PLEKHA5: variants seen among roughly 807,000 people sequenced by gnomAD.
PLEKHA5 encodes pleckstrin homology domain-containing family A member 5.
A neutral mutation model predicts 181.9 loss-of-function variants in PLEKHA5; 55 were observed. That is an observed-to-expected ratio of 0.30 (90% CI 0.24 to 0.38). The LOEUF (loss-of-function observed/expected upper bound fraction) is 0.38, where lower values mean the gene tolerates loss of function less well. Ranked by LOEUF, PLEKHA5 falls within the 10% of genes least tolerant of loss-of-function variation. The pLI is 1.00. For missense variants in PLEKHA5, 1,432 were observed against 1,549.5 expected (o/e 0.92, Z 1.27); for synonymous variants, 535 against 529.4 (o/e 1.01, Z -0.15).
intron 8 of PLEKHA5, among the ~76,000 whole-genome samples, chr12:19,266,826 GACA>G (rs1383895788): frequency 1.3e-5 from 2 of 152,084 alleles, no homozygotes; most frequent in East Asian, 1.9e-4. Context: ...TACTATAAGA[GACA>G]ACAATATTTT....
rs1340267660 is a variant in PLEKHA5, at chr12:19,242,599, T to G, written c.228-11341T>G. On this transcript the variant is annotated intron_variant, in intron 3 of 31. Transcript: ENST00000429027. Reference sequence around the variant, plus strand: ...TATTTAAGAGAGCTTTTAAGAAAGATAACTTAGAAATTATCAGTGAAAAAC... The same window carrying G: ...TATTTAAGAGAGCTTTTAAGAAAGAGAACTTAGAAATTATCAGTGAAAAAC... Among the ~76,000 whole-genome samples the G allele has an allele frequency of 2.6e-5, 4 of 152,312 alleles. No homozygotes were observed. In the East Asian group the frequency reaches 5.8e-4, roughly 22 times the overall value.
At chr12:19,221,534 G>A (rs1051759035) in intron 3 of PLEKHA5, among the ~76,000 whole-genome samples, 2 of 152,106 alleles carry the variant, frequency 1.3e-5, no homozygotes, top group East Asian at 3.9e-4. Context: ...AAACTATTCC[G>A]TATGACACTG....
intron 29 of PLEKHA5, among the ~76,000 whole-genome samples, chr12:19,362,772 A>G (rs2095294132): frequency 1.3e-5 from 2 of 152,094 alleles, no homozygotes; most frequent in Non-Finnish European, 2.9e-5. Context: ...AAAAATTTTA[A>G]AAAGAGAGAT....
Position 19,305,912 on chromosome 12 carries a change from C to G in PLEKHA5, c.2038-8902C>G, listed in dbSNP as rs1055705723. Among the ~76,000 whole-genome samples, 5 of 134,832 alleles carry G rather than the reference C, an allele frequency of 3.7e-5. No individual in the cohort carries two copies. The Admixed American group carries it at 3.8e-4, about 10-fold the overall frequency. The allele number at this position is 134,832 out of a possible 152,430, so 88.5% of individuals were successfully genotyped here. The stretch of plus-strand genomic sequence containing the variant: ...ACTATGAAGACTGGGCGCGGTGGCT[C>G]TACTAAAAATACAAAAAATTGGCTG... On this transcript the variant is annotated intron_variant, in intron 15 of 31. Transcript: ENST00000429027.
chr12:19,346,943 G>A (rs1159299677), intron 23 of PLEKHA5, 51 bp from the exon 24 acceptor site: 15 of 1,213,662 alleles, frequency 1.2e-5, no homozygotes, highest in Non-Finnish European at 1.6e-5. Context: ...ATTTAGATAT[G>A]CTTAATTCAA....
chr12:19,281,500 C>T (rs936033842), intron 11 of PLEKHA5, among the ~76,000 whole-genome samples: 4 of 151,714 alleles, frequency 2.6e-5, no homozygotes, highest in African/African-American at 9.7e-5. Context: ...TCACTCGAAC[C>T]TGAGAGGCGG....
chr12:19,274,415 GCCCCCAC>G (rs758744568), intron 10 of PLEKHA5, 94 bp from the exon 11 acceptor site: 6 of 744,384 alleles, frequency 8.1e-6, no homozygotes, highest in Non-Finnish European at 1.1e-5. Context: ...CAGTCCCCTG[GCCCCCAC>G]CCCCGTAAAG....
At chr12:19,366,726 A>G (rs923868324) in intron 30 of PLEKHA5, among the ~76,000 whole-genome samples, 4 of 152,180 alleles carry the variant, frequency 2.6e-5, no homozygotes, top group Admixed American at 2.6e-4. Flanking sequence ...GAGTATTCAC[A>G]AGCCTGCCAC....
chr12:19,369,643 A>C (rs568468024), intron 30 of PLEKHA5, 50 bp from the exon 31 acceptor site: 1 of 1,145,918 alleles, frequency 8.7e-7, no homozygotes, highest in Non-Finnish European at 1.3e-6. Flanking sequence ...TACTTCTCCA[A>C]ATGTGTCTTA....
chr12:19,135,114 A>G (rs752469883), intron 3 of PLEKHA5, among the ~76,000 whole-genome samples: 3 of 152,208 alleles, frequency 2.0e-5, no homozygotes, highest in African/African-American at 7.2e-5. Context: ...AGGGAGACCT[A>G]AAGAATTTCA....
chr12:19,336,415 A>C (rs1335406513), intron 20 of PLEKHA5, 100 bp from the exon 21 acceptor site: 3 of 664,066 alleles, frequency 4.5e-6, no homozygotes, highest in Non-Finnish European at 2.6e-6. Flanking sequence ...GCTAAGTATA[A>C]ACTATATGAC....
In PLEKHA5 at chr12:19,367,140, C is replaced by T. The variant is rs150379948; in HGVS notation, c.3754+1031C>T. Reference sequence around the variant, plus strand: ...ACCTCCAGTGATCAGCGCGCCTCAACCTCCCAAAGTGCTGGGATTACAGGC... The same window carrying T: ...ACCTCCAGTGATCAGCGCGCCTCAATCTCCCAAAGTGCTGGGATTACAGGC... On this transcript the variant is annotated intron_variant, in intron 30 of 31. Transcript: ENST00000429027. 6.6e-3 allele frequency among the ~76,000 whole-genome samples: 1,005 copies of T among 152,136 alleles called. 10 individuals carry two copies. Among genetic ancestry groups the T allele is most frequent in the African/African-American group, 0.023 (951 of 41,496 alleles).
At chr12:19,184,447 A>G (rs1430121452) in intron 3 of PLEKHA5, among the ~76,000 whole-genome samples, 1 of 152,188 alleles carries the variant, frequency 6.6e-6, no homozygotes, top group African/African-American at 2.4e-5. Context: ...AGATACAGCT[A>G]TGCCCTTGCT....
intron 3 of PLEKHA5, among the ~76,000 whole-genome samples, chr12:19,155,694 T>G (rs189351451): frequency 6.2e-4 from 95 of 152,354 alleles, no homozygotes; most frequent in Non-Finnish European, 1.9e-4. Context: ...ACAAGGGCCT[T>G]CACTTAGGTG....
chr12:19,327,705 C>T (rs539062526), intron 20 of PLEKHA5, among the ~76,000 whole-genome samples: 8 of 146,502 alleles, frequency 5.5e-5, no homozygotes, highest in Non-Finnish European at 1.0e-4. Flanking sequence ...AGTGCAGTGG[C>T]GCGATCTTTG....
rs1414655765 is a variant in PLEKHA5, at chr12:19,261,030, A to T, written c.610+9A>T. 2.7e-6 allele frequency: 4 copies of T among 1,503,816 alleles called. No individual in the cohort carries two copies. 93.2% of individuals were successfully genotyped at this position (1,503,816 alleles called of 1,614,324 possible). On this transcript the variant is annotated intron_variant, in intron 7 of 31. Transcript: ENST00000429027. ...CCTCTTTTATTATAGAGGTAAGTTT[A>T]CCCTACTGTCTTAGTGTATTATTTT...
chr12:19,290,562 T>G, intron 13 of PLEKHA5, 115 bp from the exon 14 acceptor site: 4 of 826,842 alleles, frequency 4.8e-6, no homozygotes, highest in Non-Finnish European at 5.5e-6. Flanking sequence ...AGGCACTATG[T>G]TTGATGTCAA....
intron 3 of PLEKHA5, among the ~76,000 whole-genome samples, chr12:19,245,743 A>G (rs1009470250): frequency 2.0e-5 from 3 of 150,702 alleles, no homozygotes; most frequent in Non-Finnish European, 4.4e-5. Context: ...AAAAAAAAAA[A>G]AAAAAAACCT....
Position 19,361,632 on chromosome 12 carries a change from A to G in PLEKHA5, c.3534A>G (p.Pro1178=). 6.4e-7 allele frequency: 1 copy of G among 1,570,414 alleles called. No individual in the cohort carries two copies. The highest frequency in any genetic ancestry group is 8.7e-7 in the Non-Finnish European group (1 of 1,143,884). ...ATGAAATGCTTTTTGAACCTGAGCCAAATGGAGTAAATTCTGTGGAAATGA... is the reference window on the plus strand; with the variant it reads ...ATGAAATGCTTTTTGAACCTGAGCCGAATGGAGTAAATTCTGTGGAAATGA... ...ISYEMLFEPE[P]NGVNSVEMMD... Residue 1178 remains proline (P), a synonymous_variant, in exon 29 of 32, where the codon CCA becomes CCG. Coordinates refer to ENST00000429027, the MANE Select transcript of PLEKHA5 (RefSeq NM_001256470.2).
Sources: allele counts gnomAD v4.1 joint callset (sites outside exome capture counted in the v4.1 genomes callset), GRCh38; gene constraint gnomAD v4.1.1; transcripts MANE v1.5; gene names NCBI Gene and HGNC (gene_info 2026-07-23, HGNC 2026-07-21).